The following CCNL1 variants were observed in gnomAD, a reference collection of about 807,000 sequenced individuals.
CCNL1 encodes the protein cyclin-L1.
A neutral mutation model predicts 60.6 loss-of-function variants in CCNL1; 13 were observed. That is an observed-to-expected ratio of 0.21 (90% CI 0.14 to 0.34). The LOEUF (loss-of-function observed/expected upper bound fraction) is 0.34. CCNL1 is among the 10% of genes least tolerant of loss of function. The pLI, the probability that CCNL1 is intolerant of heterozygous loss-of-function variation, is 1.00. For missense variants in CCNL1, 481 were observed against 664.3 expected (o/e 0.72, Z 3.03); for synonymous variants, 270 against 244.3 (o/e 1.10, Z -0.98).
chr3:157,145,437 CAAAAAAAAAAAA>C (rs56894231), downstream of CCNL1, among the ~76,000 whole-genome samples: 158 of 24,270 alleles, frequency 6.5e-3, no homozygotes, highest in Middle Eastern at 0.062. Context: ...GACTTCATCT[CAAAAAAAAAAAA>C]AAAAAAAAAA....
In CCNL1 at chr3:157,158,857, C is replaced by T; in HGVS notation, c.488+9G>A. The T allele has an allele frequency of 6.4e-7, 1 of 1,552,166 alleles. No individual in the cohort carries two copies. Among genetic ancestry groups the T allele is most frequent in the Non-Finnish European group, 8.9e-7 (1 of 1,124,962 alleles). On this transcript the variant is annotated intron_variant, in intron 3 of 10. Coordinates refer to ENST00000295926, the MANE Select transcript of CCNL1 (RefSeq NM_020307.4). Reference sequence around the variant, plus strand: ...CAAGAGATACTATGTTCAATAATGCCAATCTTACCTTTTTCCTCTTAACTG... The same window carrying T: ...CAAGAGATACTATGTTCAATAATGCTAATCTTACCTTTTTCCTCTTAACTG...
Position 157,148,106 on chromosome 3 carries a change from A to C in CCNL1, c.*135T>G, listed in dbSNP as rs577155151. On this transcript the variant is annotated 3_prime_UTR_variant, in exon 11 of 11. Coordinates refer to ENST00000295926, the MANE Select transcript of CCNL1 (RefSeq NM_020307.4). ...GTTCTTTTCAAAAGAAACTGTCCTCAGTGTTCTAGAGACCTAGAGGGTTTC... is the reference window on the plus strand; with the variant it reads ...GTTCTTTTCAAAAGAAACTGTCCTCCGTGTTCTAGAGACCTAGAGGGTTTC... The C allele has an allele frequency of 1.6e-5, 23 of 1,424,448 alleles. No homozygotes were observed. In the East Asian group the frequency reaches 4.5e-4, roughly 28 times the overall value. The allele number at this position is 1,424,448 out of a possible 1,614,324, so 88.2% of individuals were successfully genotyped here. A position where few individuals can be genotyped will look rare whatever the true frequency, so the allele number is the denominator to read the frequency against.
chr3:157,156,384 C>T (rs905868031), intron 3 of CCNL1, among the ~76,000 whole-genome samples: 2 of 152,170 alleles, frequency 1.3e-5, no homozygotes, highest in African/African-American at 4.8e-5. Flanking sequence ...TATGGATACA[C>T]TGAAAATACA....
Position 157,148,159 on chromosome 3 carries a change from T to G in CCNL1, c.*82A>C. 6.6e-7 allele frequency: 1 copy of G among 1,512,398 alleles called. No homozygotes were observed. Among genetic ancestry groups the G allele is most frequent in the Non-Finnish European group, 8.8e-7 (1 of 1,132,588 alleles). The allele number at this position is 1,512,398 out of a possible 1,614,324, so 93.7% of individuals were successfully genotyped here. Reference sequence around the variant, plus strand: ...GAAATCAAATCCTAATCAGTTTGCGTTTAATGTTTTTGATTGAGTCCATAC... The same window carrying G: ...GAAATCAAATCCTAATCAGTTTGCGGTTAATGTTTTTGATTGAGTCCATAC... On this transcript the variant is annotated 3_prime_UTR_variant, in exon 11 of 11. Transcript: ENST00000295926.
intron 3 of CCNL1, chr3:157,154,527 C>T (rs1223802828): frequency 6.6e-6 from 1 of 152,116 alleles, no homozygotes; most frequent in East Asian, 1.9e-4. Context: ...AATGTAATCT[C>T]ATATTTTTAA....
intron 1 of CCNL1, 39 bp downstream of exon 1, chr3:157,159,753 G>A (rs1458833546): frequency 6.7e-6 from 10 of 1,482,080 alleles, no homozygotes; most frequent in South Asian, 2.6e-5. Flanking sequence ...CGGAGGAGAG[G>A]AGAGGAGCGC....
intron 5 of CCNL1, chr3:157,151,573 A>G (rs1247439596): frequency 1.6e-5 from 16 of 985,978 alleles, no homozygotes; most frequent in Middle Eastern, 5.2e-4. Context: ...CTCCTTTGGT[A>G]GTATTCATGC....
At position 157,151,209 on chromosome 3, in the gene CCNL1, T is replaced by C. The variant is rs1342492593; in HGVS notation, c.675-828A>G. 3.0e-6 allele frequency: 3 copies of C among 985,242 alleles called. No homozygotes were observed. The African/African-American group carries it at 5.2e-5, about 17-fold the overall frequency. The allele number at this position is 985,242 out of a possible 1,614,324, so 61.0% of individuals were successfully genotyped here. ...AATGAGACTTTTCTAACATTACAAATATTTACTGAGTCCAAAAGAAGCATG... is the reference window on the plus strand; with the variant it reads ...AATGAGACTTTTCTAACATTACAAACATTTACTGAGTCCAAAAGAAGCATG... On this transcript the variant is annotated intron_variant, in intron 5 of 10. Transcript: ENST00000295926.
In CCNL1 at chr3:157,148,588, A is replaced by C. The variant is rs2108109209; in HGVS notation, c.1234T>G (p.Tyr412Asp). ...CCAGATCGACTCCGCCTATTATTAT[A>C]GCTTAGATAATAAAAATTTGAAGTT... is the stretch of plus-strand genomic sequence containing the variant. ...RSRSHTPRRH[Y>D]NNRRSRSGTY... The change falls in exon 11 of 11, where the codon TAT becomes GAT. Residue 412 changes from tyrosine to aspartate, a missense_variant and splice_region_variant. By Grantham distance (160) the Tyr-to-Asp change is radical. This residue lies in a region of CCNL1 where 197 missense variants were observed against 233.9 expected (regional missense o/e 0.84). Coordinates refer to ENST00000295926, the MANE Select transcript of CCNL1 (RefSeq NM_020307.4). 6.3e-7 allele frequency: 1 copy of C among 1,577,454 alleles called. No homozygotes were observed. Among genetic ancestry groups the C allele is most frequent in the East Asian group, 2.2e-5 (1 of 44,548 alleles).
At chr3:157,157,285 G>C (rs1428857158) in intron 3 of CCNL1, among the ~76,000 whole-genome samples, 1 of 151,970 alleles carries the variant, frequency 6.6e-6, no homozygotes, top group Non-Finnish European at 1.5e-5. Context: ...CTGTAATAAT[G>C]ACCCAAAAAA....
Position 157,149,297 on chromosome 3 carries a change from G to T in CCNL1, c.1222C>A (p.Pro408Thr). 6.2e-7 allele frequency: 1 copy of T among 1,610,858 alleles called. No homozygotes were observed. The highest frequency in any genetic ancestry group is 8.5e-7 in the Non-Finnish European group (1 of 1,177,130). The part of the protein sequence containing the change: ...RTRSRSRSHT[P>T]RRHYNNRRSR... ...AAAACATTTACTTACTGTCTTCTTGGAGTATGTGATCTAGAACGTGATCGT... is the reference window on the plus strand; with the variant it reads ...AAAACATTTACTTACTGTCTTCTTGTAGTATGTGATCTAGAACGTGATCGT... Residue 408 changes from proline to threonine, a missense_variant, in exon 10 of 11, where the codon CCA becomes ACA. Pro to Thr is a conservative substitution (Grantham distance 38). Coordinates refer to ENST00000295926, the MANE Select transcript of CCNL1 (RefSeq NM_020307.4).
At chr3:157,152,462 A>G (rs1289534700) in intron 4 of CCNL1, 8 of 1,244,504 alleles carry the variant, frequency 6.4e-6, no homozygotes, top group Non-Finnish European at 8.1e-6. Flanking sequence ...ACAGGAAAAA[A>G]GGCAATTAAA....
In CCNL1 at chr3:157,149,876, G is replaced by A; in HGVS notation, c.981C>T (p.Ala327=). The A allele has an allele frequency of 6.2e-7, 1 of 1,614,050 alleles. No individual in the cohort carries two copies. The highest frequency in any genetic ancestry group is 8.5e-7 in the Non-Finnish European group (1 of 1,179,978). The change falls in exon 8 of 11, where the codon GCC becomes GCT. Residue 327 remains alanine, a synonymous_variant. Transcript: ENST00000295926. ...AKGLNPDGTP[A]LSTLGGFSPA... The stretch of plus-strand genomic sequence containing the variant: ...GAGAAAATCCACCCAGGGTTGAAAG[G>A]GCTGGAGTTCCATCCGGATTCAATC...
rs760276880 is a variant in CCNL1 at position 157,149,962 on chromosome 3, G to T, written c.895C>A (p.Leu299Met). 1.2e-6 allele frequency: 2 copies of T among 1,610,202 alleles called. No homozygotes were observed. Among genetic ancestry groups the T allele is most frequent in the East Asian group, 4.5e-5 (2 of 44,698 alleles). The change falls in exon 8 of 11, where the codon CTG (leucine) becomes ATG (methionine). Residue 299 changes from leucine (L) to methionine (M), a missense_variant. This residue lies in a region of CCNL1 where 75 missense variants were observed against 129.6 expected (regional missense o/e 0.58). Coordinates refer to ENST00000295926, the MANE Select transcript of CCNL1 (RefSeq NM_020307.4). ...YTRKKPNYEL[L>M]EKEVEKRKVA... ...TTTCTTTTTTCTACTTCTTTTTCCA[G>T]TAATTCATAGTTTGGCTGTTGGAGG... is the stretch of plus-strand genomic sequence containing the variant.
intron 4 of CCNL1, 195 bp downstream of exon 4, chr3:157,152,841 C>T: frequency 1.5e-6 from 2 of 1,327,958 alleles, no homozygotes; most frequent in Non-Finnish European, 1.9e-6. Context: ...AAGATTTGAA[C>T]CTACATTTTT....
At chr3:157,150,662 T>A in intron 5 of CCNL1, 1 of 1,107,420 alleles carries the variant, frequency 9.0e-7, no homozygotes, top group Non-Finnish European at 1.1e-6. Context: ...GTTAATATAT[T>A]TCTGTAAAAA....
intron 5 of CCNL1, chr3:157,150,906 T>C (rs1738143434): frequency 2.0e-6 from 2 of 983,928 alleles, no homozygotes; most frequent in Non-Finnish European, 2.4e-6. Flanking sequence ...AAAATCTAGA[T>C]AGGGAAATAA....
downstream of CCNL1, among the ~76,000 whole-genome samples, chr3:157,144,524 T>C (rs1737727059): frequency 1.3e-5 from 2 of 152,268 alleles, no homozygotes; most frequent in Non-Finnish European, 2.9e-5. Flanking sequence ...TAATGGAATG[T>C]TCAAATGATT....
chr3:157,146,457 T>C, downstream of CCNL1: 1 of 433,380 alleles, frequency 2.3e-6, no homozygotes, highest in South Asian at 1.7e-5. Flanking sequence ...CAAACAACCC[T>C]CACCCACAGC....
Sources: allele counts gnomAD v4.1 joint callset (sites outside exome capture counted in the v4.1 genomes callset), GRCh38; gene constraint gnomAD v4.1.1; regional missense constraint gnomAD v4.1.1; transcripts MANE v1.5; gene names NCBI Gene and HGNC (gene_info 2026-07-23, HGNC 2026-07-21).